The following ABCG2 variants were observed in gnomAD, a reference collection of about 807,000 sequenced individuals.
The protein encoded by ABCG2 is ATP binding cassette subfamily G member 2 (JR blood group).
Under a neutral mutation model 73.5 loss-of-function variants are expected in ABCG2, and 80 were observed. The observed-to-expected ratio is 1.09, with a 90% CI of 0.91 to 1.31. The LOEUF (loss-of-function observed/expected upper bound fraction) is 1.31, where lower values mean the gene tolerates loss of function less well. ABCG2 is among the 50% of genes most tolerant of loss of function. ABCG2 has a pLI of 0.00. For synonymous variants in ABCG2, 269 were observed against 282.4 expected, an observed-to-expected ratio of 0.95 and a Z score of 0.48; for missense variants, 796 against 786.2, an observed-to-expected ratio of 1.01 and a Z score of -0.15.
chr4:88,125,155 G>T lies in ABCG2; in HGVS notation c.532-3363C>A, dbSNP rs932540779. On this transcript the variant is annotated intron_variant, in intron 5 of 15. Coordinates refer to ENST00000237612, the MANE Select transcript of ABCG2 (RefSeq NM_004827.3). Reference sequence around the variant, plus strand: ...AAAATACAAAAAATTAGCTGGGCGTGGTGGCGGGCACCTGTAGTCCCAGCT... The same window carrying T: ...AAAATACAAAAAATTAGCTGGGCGTTGTGGCGGGCACCTGTAGTCCCAGCT... Among the ~76,000 whole-genome samples, 4 of 151,390 alleles carry T rather than the reference G, an allele frequency of 2.6e-5. No individual in the cohort carries two copies. The South Asian group carries it at 6.3e-4, about 24-fold the overall frequency.
intron 1 of ABCG2, among the ~76,000 whole-genome samples, chr4:88,222,489 T>C (rs1226223427): frequency 6.6e-6 from 1 of 152,208 alleles, no homozygotes; most frequent in Non-Finnish European, 1.5e-5. Flanking sequence ...GAAGTTTCCC[T>C]GCACAAGCTC....
intron 1 of ABCG2, among the ~76,000 whole-genome samples, chr4:88,165,884 A>AAG (rs987841385): frequency 1.1e-4 from 17 of 152,134 alleles, no homozygotes; most frequent in African/African-American, 3.9e-4. Context: ...AAAAAAAAAA[A>AAG]AGAGAGAGAG....
At chr4:88,103,739 G>C (rs535664456) in intron 10 of ABCG2, among the ~76,000 whole-genome samples, 2 of 152,246 alleles carry the variant, frequency 1.3e-5, no homozygotes, top group South Asian at 4.2e-4. Flanking sequence ...CACACCTCTA[G>C]CCTCTGGCAA....
intron 8 of ABCG2, 61 bp downstream of exon 8, chr4:88,114,896 A>T (rs760473735): frequency 3.7e-5 from 42 of 1,134,986 alleles, no homozygotes; most frequent in Middle Eastern, 2.1e-4. Context: ...TAGCCACCAC[A>T]TTGCTAAACT....
intron 1 of ABCG2, among the ~76,000 whole-genome samples, chr4:88,224,080 T>C (rs1039145883): frequency 4.6e-5 from 7 of 152,198 alleles, no homozygotes; most frequent in Admixed American, 1.3e-4. Flanking sequence ...GTAGGAGTTC[T>C]TTATATATTC....
chr4:88,223,780 G>A (rs1291480580), intron 1 of ABCG2: 1 of 152,758 alleles, frequency 6.5e-6, no homozygotes, highest in South Asian at 1.9e-4. Context: ...GGCACTTCTT[G>A]TATTTCCTCT....
At chr4:88,123,082 G>A (rs1724125089) in intron 5 of ABCG2, among the ~76,000 whole-genome samples, 1 of 152,258 alleles carries the variant, frequency 6.6e-6, no homozygotes, top group Non-Finnish European at 1.5e-5. Flanking sequence ...CTGCAGCAGA[G>A]AGGCCTGACT....
chr4:88,132,270 A>C (rs1724945838), intron 3 of ABCG2, among the ~76,000 whole-genome samples: 1 of 151,950 alleles, frequency 6.6e-6, no homozygotes, highest in Admixed American at 6.6e-5. Context: ...GCCTTTACTT[A>C]CATCTTCTGC....
At chr4:88,126,727 C>T (rs1461032378) in intron 5 of ABCG2, among the ~76,000 whole-genome samples, 1 of 152,024 alleles carries the variant, frequency 6.6e-6, no homozygotes, top group Non-Finnish European at 1.5e-5. Flanking sequence ...AATTCAACAC[C>T]CCTTCATGCT....
chr4:88,194,866 G>A (rs1728877950), intron 1 of ABCG2, among the ~76,000 whole-genome samples: 3 of 152,122 alleles, frequency 2.0e-5, no homozygotes, highest in Admixed American at 2.0e-4. Flanking sequence ...GGAGCCCGAT[G>A]GTGTAAGGCC....
chr4:88,194,936 G>A (rs1210029453), intron 1 of ABCG2, among the ~76,000 whole-genome samples: 2 of 152,162 alleles, frequency 1.3e-5, no homozygotes, highest in East Asian at 3.8e-4. Flanking sequence ...AGAGAATTTT[G>A]AGAAGAAAAA....
At position 88,139,905 on chromosome 4, in the gene ABCG2, A is replaced by G. The variant is rs765475846; in HGVS notation, c.91T>C (p.Phe31Leu). The G allele has an allele frequency of 6.2e-7, 1 of 1,614,164 alleles. No homozygotes were observed. The highest frequency in any genetic ancestry group is 8.5e-7 in the Non-Finnish European group (1 of 1,180,030). Residue 31 changes from phenylalanine to leucine, a missense_variant, in exon 2 of 16, where the codon TTT (phenylalanine) becomes CTT (leucine). Phe to Leu is a conservative substitution (Grantham distance 22). Coordinates refer to ENST00000237612, the MANE Select transcript of ABCG2 (RefSeq NM_004827.3). ...PATASNDLKA[F>L]TEGAVLSFHN... Reference sequence around the variant, plus strand: ...AAACTTAACACAGCTCCTTCAGTAAATGCCTTCAGGTCATTGGAAGCTGTC... The same window carrying G: ...AAACTTAACACAGCTCCTTCAGTAAGTGCCTTCAGGTCATTGGAAGCTGTC...
At chr4:88,203,820 CA>C (rs1729278401) in intron 1 of ABCG2, among the ~76,000 whole-genome samples, 2 of 149,976 alleles carry the variant, frequency 1.3e-5, no homozygotes, top group Admixed American at 1.3e-4. Context: ...CATGAGAAGG[CA>C]AAAGGCAACT....
At chr4:88,215,834 G>A (rs576393588) in intron 1 of ABCG2, among the ~76,000 whole-genome samples, 2 of 152,282 alleles carry the variant, frequency 1.3e-5, no homozygotes, top group South Asian at 2.1e-4. Flanking sequence ...ATCTAGGTCC[G>A]TTAGGCAGAA....
intron 10 of ABCG2, among the ~76,000 whole-genome samples, chr4:88,105,304 T>C (rs1319901883): frequency 6.6e-6 from 1 of 152,182 alleles, no homozygotes; most frequent in African/African-American, 2.4e-5. Context: ...GTCTTCAACT[T>C]TCCTCAATAG....
Position 88,131,840 on chromosome 4 carries a change from G to A in ABCG2, c.341C>T (p.Pro114Leu). ...ACCTGAATTACATTTGAAATTGGCA[G>A]GTCGCGGTGCTCCATTTATCAGAAC... Reference protein sequence around the residue: ...GDVLINGAPRPANFKCNSGYV... With the variant: ...GDVLINGAPRLANFKCNSGYV... The change falls in exon 4 of 16, where the codon CCT becomes CTT. Residue 114 changes from proline (P) to leucine (L), a missense_variant. Coordinates refer to ENST00000237612, the MANE Select transcript of ABCG2 (RefSeq NM_004827.3). 1 of 1,613,780 alleles carries A rather than the reference G, an allele frequency of 6.2e-7. No homozygotes were observed. The highest frequency in any genetic ancestry group is 1.3e-5 in the African/African-American group (1 of 75,022).
rs1724614359 is a variant in ABCG2 at position 88,128,759 on chromosome 4, T to C, written c.531+2302A>G. 2.0e-5 allele frequency among the ~76,000 whole-genome samples: 3 copies of C among 152,074 alleles called. No homozygotes were observed. The South Asian group carries it at 6.3e-4, about 32-fold the overall frequency. On this transcript the variant is annotated intron_variant, in intron 5 of 15. Coordinates refer to ENST00000237612, the MANE Select transcript of ABCG2 (RefSeq NM_004827.3). ...ACACAGGGAGTGGAACATCACACAC[T>C]GGGGCCTGTCAGGGTGTCAGGGGCT...
intron 1 of ABCG2, among the ~76,000 whole-genome samples, chr4:88,184,720 C>T (rs2110102581): frequency 6.6e-6 from 1 of 152,110 alleles, no homozygotes; most frequent in East Asian, 1.9e-4. Flanking sequence ...TATATGGAAC[C>T]TCAAAAGACC....
At chr4:88,115,246 C>CTG (rs1399539584) in intron 7 of ABCG2, among the ~76,000 whole-genome samples, 188 bp from the exon 8 acceptor site, 1,741 of 71,064 alleles carry the variant, frequency 0.024, 73 homozygotes, top group African/African-American at 0.068. Flanking sequence ...CTCTCTCTCT[C>CTG]TCTCTCTCTC....
Sources: gnomAD v4.1 joint callset for allele counts (sites outside exome capture counted in the v4.1 genomes callset) on GRCh38, gnomAD v4.1.1 for gene constraint, MANE v1.5 for transcripts, NCBI Gene and HGNC (gene_info 2026-07-23, HGNC 2026-07-21) for gene names.